Variants in TTC27 observed in about 807,000 individuals in gnomAD.
The protein encoded by TTC27 is tetratricopeptide repeat protein 27.
In TTC27, 79 loss-of-function variants were observed where a neutral mutation model predicts 115.9. The ratio of observed to expected loss-of-function variants is 0.68; its 90% CI spans 0.57 to 0.82. The LOEUF is 0.82. Ranked by LOEUF, TTC27 falls within the 40% of genes least tolerant of loss-of-function variation. The pLI, the probability that TTC27 is intolerant of heterozygous loss-of-function variation, is 0.00. For missense variants in TTC27, 1,054 were observed against 993.1 expected, an observed-to-expected ratio of 1.06 and a Z score of -0.82; for synonymous variants, 401 against 356.0, an observed-to-expected ratio of 1.13 and a Z score of -1.42.
chr2:32,649,184 G>T (rs116088296), intron 4 of TTC27, among the ~76,000 whole-genome samples: 1,803 of 152,246 alleles, frequency 0.012, 29 homozygotes, highest in African/African-American at 0.041. Flanking sequence ...AGCAGGAGAA[G>T]ACTGTAAGGA....
At chr2:32,755,570 TTGGAAAGAGAGGGAGAGGGAGACGG>T (rs1056279756) in intron 12 of TTC27, among the ~76,000 whole-genome samples, 6 of 151,332 alleles carry the variant, frequency 4.0e-5, no homozygotes, top group South Asian at 2.1e-4. Context: ...GAGGGAGACC[TTGGAAAGAGAGGGAGAGGGAGACGG>T]TGGAAAGAGA....
chr2:32,819,822 C>G (rs1412257712), intron 19 of TTC27, among the ~76,000 whole-genome samples: 1 of 152,192 alleles, frequency 6.6e-6, no homozygotes, highest in African/African-American at 2.4e-5. Context: ...CTTTGGGACT[C>G]TCAGCAAATT....
intron 12 of TTC27, among the ~76,000 whole-genome samples, chr2:32,757,537 T>G (rs1200641974): frequency 6.6e-6 from 1 of 152,226 alleles, no homozygotes; most frequent in African/African-American, 2.4e-5. Context: ...GTGACAACCC[T>G]GTGTCAAACA....
chr2:32,660,482 C>T (rs1013790457), intron 5 of TTC27, among the ~76,000 whole-genome samples: 10 of 151,500 alleles, frequency 6.6e-5, no homozygotes, highest in Non-Finnish European at 1.2e-4. Flanking sequence ...TCATTCTCAG[C>T]AAACTAACAC....
At chr2:32,815,074 T>C (rs1184216981) in intron 18 of TTC27, among the ~76,000 whole-genome samples, 1 of 152,150 alleles carries the variant, frequency 6.6e-6, no homozygotes, top group Non-Finnish European at 1.5e-5. Context: ...TTGTATTGTC[T>C]GGAAGGTATA....
intron 1 of TTC27, among the ~76,000 whole-genome samples, chr2:32,628,770 TTTATTTA>T (rs1224006855): frequency 1.2e-4 from 17 of 142,410 alleles, no homozygotes; most frequent in South Asian, 4.2e-4. Flanking sequence ...TATTTATTTA[TTTATTTA>T]TTGAGACGGA....
chr2:32,745,054 C>CAAAAAAAA lies in TTC27; in HGVS notation c.1452+8258_1452+8265dup, dbSNP rs57044153. Among the ~76,000 whole-genome samples, 3 of 49,882 alleles carry CAAAAAAAA rather than the reference C, an allele frequency of 6.0e-5. 1 individual carries two copies. Among genetic ancestry groups the CAAAAAAAA allele is most frequent in the Non-Finnish European group, 1.0e-4 (3 of 29,956 alleles). The allele number at this position is 49,882 out of a possible 152,430, so 32.7% of individuals were successfully genotyped here. On this transcript the variant is annotated intron_variant, in intron 12 of 19. Transcript: ENST00000317907. Reference sequence around the variant, plus strand: ...CTGGGCAACAGAGTGAACTCTGTCTCAAAAAAAAAAAAAAAAAAAAAAAAA... The same window carrying CAAAAAAAA: ...CTGGGCAACAGAGTGAACTCTGTCTCAAAAAAAAAAAAAAAAAAAAAAAAAAAAAAAAA...
At chr2:32,766,510 C>G (rs1286430575) in intron 13 of TTC27, 1 of 455,088 alleles carries the variant, frequency 2.2e-6, no homozygotes, top group South Asian at 1.6e-5. Flanking sequence ...AGGAGAGTAG[C>G]TGGTCAGTGG....
chr2:32,708,304 G>GTTTTTTTTTTTTTTTT lies in TTC27; in HGVS notation c.1233+5391_1233+5406dup, dbSNP rs1158508588. Among the ~76,000 whole-genome samples, 111 of 61,342 alleles carry GTTTTTTTTTTTTTTTT rather than the reference G, an allele frequency of 1.8e-3. 14 individuals carry two copies. Among genetic ancestry groups the GTTTTTTTTTTTTTTTT allele is most frequent in the South Asian group, 2.4e-3 (3 of 1,254 alleles). The allele number at this position is 61,342 out of a possible 152,430, so 40.2% of individuals were successfully genotyped here. A position where few individuals can be genotyped will look rare whatever the true frequency, so the allele number is the denominator to read the frequency against. Reference sequence around the variant, plus strand: ...AATAGCGTTTTCTTTTCTCTACCTTGTTTTTTTTTTTTTTTTTTTTTTAAT... The same window carrying GTTTTTTTTTTTTTTTT: ...AATAGCGTTTTCTTTTCTCTACCTTGTTTTTTTTTTTTTTTTTTTTTTTTTTTTTTTTTTTTTTAAT... On this transcript the variant is annotated intron_variant, in intron 10 of 19. Coordinates refer to ENST00000317907, the MANE Select transcript of TTC27 (RefSeq NM_017735.5).
intron 8 of TTC27, among the ~76,000 whole-genome samples, chr2:32,673,975 C>A (rs1666103927): frequency 6.6e-6 from 1 of 151,952 alleles, no homozygotes. Context: ...CAGAGTGAAA[C>A]TCTGTCTCAA....
intron 9 of TTC27, among the ~76,000 whole-genome samples, chr2:32,684,415 A>G (rs10432653): frequency 0.2 from 30,678 of 151,868 alleles, 3,723 homozygotes; most frequent in South Asian, 0.39. Context: ...CTTAAAGTAT[A>G]ATAATAATAA....
intron 2 of TTC27, among the ~76,000 whole-genome samples, chr2:32,631,493 A>G (rs1664209072): frequency 1.3e-5 from 2 of 152,214 alleles, no homozygotes; most frequent in African/African-American, 2.4e-5. Context: ...AGGGTTAAGT[A>G]TAGCAGATAG....
At chr2:32,694,538 T>A (rs1666919065) in intron 9 of TTC27, among the ~76,000 whole-genome samples, 1 of 152,128 alleles carries the variant, frequency 6.6e-6, no homozygotes, top group Non-Finnish European at 1.5e-5. Flanking sequence ...GATCCATCTC[T>A]ATTAAAAAAA....
intron 6 of TTC27, 48 bp from the exon 7 acceptor site, chr2:32,666,587 G>A (rs764505388): frequency 1.3e-6 from 2 of 1,599,598 alleles, no homozygotes; most frequent in South Asian, 2.2e-5. Flanking sequence ...TGACTGTACA[G>A]TAGATCTCAT....
chr2:32,644,847 T>G (rs1452142015), intron 4 of TTC27, among the ~76,000 whole-genome samples: 3 of 144,750 alleles, frequency 2.1e-5, no homozygotes, highest in Non-Finnish European at 4.6e-5. Flanking sequence ...GTTCCTTCCT[T>G]TCTTCTTTTC....
intron 1 of TTC27, among the ~76,000 whole-genome samples, chr2:32,629,687 C>T (rs898479591): frequency 6.6e-5 from 10 of 152,184 alleles, no homozygotes; most frequent in Admixed American, 6.6e-4. Context: ...GATCCACCCA[C>T]CTCGGCCTCC....
At chr2:32,695,776 G>A (rs1450469026) in intron 9 of TTC27, among the ~76,000 whole-genome samples, 1 of 136,628 alleles carries the variant, frequency 7.3e-6, no homozygotes, top group South Asian at 2.4e-4. Flanking sequence ...GGTGCCTGTA[G>A]TCCCAGCTAC....
Position 32,787,122 on chromosome 2 carries a change from C to T in TTC27, c.1971C>T (p.Asp657=), listed in dbSNP as rs368590302. 3 of 1,613,238 alleles carry T rather than the reference C, an allele frequency of 1.9e-6. No homozygotes were observed. The highest frequency in any genetic ancestry group is 1.7e-6 in the Non-Finnish European group (2 of 1,179,806). Residue 657 remains aspartate (D), a synonymous_variant, in exon 16 of 20, where the codon GAC becomes GAT. Coordinates refer to ENST00000317907, the MANE Select transcript of TTC27 (RefSeq NM_017735.5). ...EAIKAYHRLL[D]LRDKYKDVQV... ...TTAAAGCTTATCACCGGCTCTTGGA[C>T]TTACGTGACAAATACAAAGATGTTC...
chr2:32,717,749 A>T (rs1667800563), intron 10 of TTC27, among the ~76,000 whole-genome samples: 1 of 152,206 alleles, frequency 6.6e-6, no homozygotes, highest in African/African-American at 2.4e-5. Flanking sequence ...TTTGCTAATA[A>T]GTATGGCAGT....
Sources: gnomAD v4.1 joint callset for allele counts (sites outside exome capture counted in the v4.1 genomes callset) on GRCh38, gnomAD v4.1.1 for gene constraint, MANE v1.5 for transcripts, NCBI Gene and HGNC (gene_info 2026-07-23, HGNC 2026-07-21) for gene names.